The following LRRK1 variants were observed in gnomAD, a reference collection of about 807,000 sequenced individuals.
LRRK1 encodes leucine-rich repeat serine/threonine-protein kinase 1.
In LRRK1, 113 loss-of-function variants were observed where a neutral mutation model predicts 209.1. That is an observed-to-expected ratio of 0.54 (90% confidence interval 0.46 to 0.63). The LOEUF (loss-of-function observed/expected upper bound fraction) is 0.63. Ranked by LOEUF, LRRK1 falls within the 30% of genes least tolerant of loss-of-function variation. The pLI is 0.00. For synonymous variants in LRRK1, 1,144 were observed against 1,099.7 expected, an observed-to-expected ratio of 1.04 and a Z score of -0.80; for missense variants, 2,284 against 2,632.2, an observed-to-expected ratio of 0.87 and a Z score of 2.89.
In LRRK1 at chr15:100,983,601, T is replaced by G; in HGVS notation, c.335T>G (p.Val112Gly). 1 of 1,611,912 alleles carries G rather than the reference T, an allele frequency of 6.2e-7. No individual in the cohort carries two copies. The highest frequency in any genetic ancestry group is 8.5e-7 in the Non-Finnish European group (1 of 1,178,580). Residue 112 changes from valine to glycine, a missense_variant, in exon 4 of 34, where the codon GTG (valine) becomes GGG (glycine). Around this residue, in one of 6 missense-constraint regions of LRRK1, gnomAD observed 134 missense variants for 191.7 expected, o/e 0.70. Coordinates refer to ENST00000388948, the MANE Select transcript of LRRK1 (RefSeq NM_024652.6). ...CGCTACCTACTCAGCAAGAGACTGG[T>G]GGAGCTGCCCACCGAGCCCACGGAT... is the stretch of plus-strand genomic sequence containing the variant. ...MVRYLLSKRL[V>G]ELPTEPTDDN...
rs567065283 is a variant in LRRK1, at chr15:100,957,767, G to T, written c.98-16037G>T. ...TCTATTCAGCTACTGTGTGTCTTTTGATTGGAAAAGTCAATCCATTTATAT... is the reference window on the plus strand; with the variant it reads ...TCTATTCAGCTACTGTGTGTCTTTTTATTGGAAAAGTCAATCCATTTATAT... On this transcript the variant is annotated intron_variant, in intron 2 of 33. Coordinates refer to ENST00000388948, the MANE Select transcript of LRRK1 (RefSeq NM_024652.6). Among the ~76,000 whole-genome samples the T allele has an allele frequency of 3.9e-5, 6 of 152,330 alleles. No homozygotes were observed. In the East Asian group the frequency reaches 1.2e-3, roughly 29 times the overall value.
chr15:100,947,124 AT>A lies in LRRK1; in HGVS notation c.97+22402del, dbSNP rs372273273. Among the ~76,000 whole-genome samples, 159 of 151,940 alleles carry A rather than the reference AT, an allele frequency of 1.0e-3. 3 individuals are homozygous for A. Among genetic ancestry groups the A allele is most frequent in the African/African-American group, 3.7e-3 (154 of 41,438 alleles). On this transcript the variant is annotated intron_variant, in intron 2 of 33. Coordinates refer to ENST00000388948, the MANE Select transcript of LRRK1 (RefSeq NM_024652.6). ...AGGCCCGCACCACCATAACTGGCTAATTTTTTTGTATTTTAGTAGAGGCGGG... is the reference window on the plus strand; with the variant it reads ...AGGCCCGCACCACCATAACTGGCTAATTTTTTGTATTTTAGTAGAGGCGGG...
chr15:100,945,099 C>T (rs189735897), intron 2 of LRRK1, among the ~76,000 whole-genome samples: 7 of 152,304 alleles, frequency 4.6e-5, no homozygotes, highest in Admixed American at 2.6e-4. Flanking sequence ...GGCATTTGGG[C>T]GATTCCTAAC....
chr15:100,941,020 A>T (rs1031768466), intron 2 of LRRK1, among the ~76,000 whole-genome samples: 13 of 152,190 alleles, frequency 8.5e-5, no homozygotes, highest in Non-Finnish European at 1.3e-4. Flanking sequence ...ACAGTGGTGA[A>T]ATATGACACA....
chr15:101,017,274 T>G (rs965870787), intron 12 of LRRK1, among the ~76,000 whole-genome samples: 13 of 152,224 alleles, frequency 8.5e-5, no homozygotes, highest in African/African-American at 3.1e-4. Flanking sequence ...AGTTTGCCGC[T>G]GCTACGCTCT....
chr15:100,924,994 A>G (rs1005408584), intron 2 of LRRK1, among the ~76,000 whole-genome samples: 3 of 152,190 alleles, frequency 2.0e-5, no homozygotes, highest in Non-Finnish European at 2.9e-5. Context: ...AAGAAAAAGG[A>G]TGTAGTTTTG....
Position 101,051,711 on chromosome 15 carries a change from C to T in LRRK1, c.3440C>T (p.Ala1147Val). ...VNSLIDQWFPALTATESDGTP... is the reference protein window; with the variant it reads ...VNSLIDQWFPVLTATESDGTP... ...TGTCTCCTGCTCTGTCCTTATTTAG[C>T]CCTGACAGCCACAGAGAGCGACGGG... is the stretch of plus-strand genomic sequence containing the variant. Residue 1147 changes from alanine (A) to valine (V), a missense_variant and splice_region_variant, in exon 24 of 34, where the codon GCC becomes GTC. Physicochemically the swap from Ala to Val is moderately conservative, Grantham distance 64 (BLOSUM62 0). Coordinates refer to ENST00000388948, the MANE Select transcript of LRRK1 (RefSeq NM_024652.6). 6.2e-7 allele frequency: 1 copy of T among 1,613,430 alleles called. No homozygotes were observed. The highest frequency in any genetic ancestry group is 8.5e-7 in the Non-Finnish European group (1 of 1,179,854).
intron 30 of LRRK1, 87 bp downstream of exon 30, chr15:101,061,375 A>G: frequency 2.3e-6 from 2 of 864,374 alleles, no homozygotes; most frequent in Non-Finnish European, 3.7e-6. Flanking sequence ...ATAAAAATAC[A>G]GGACGCCAGG....
chr15:101,067,460 T>C (rs1338175664), intron 33 of LRRK1: 1 of 263,212 alleles, frequency 3.8e-6, no homozygotes, highest in Non-Finnish European at 8.1e-6. Context: ...TGTGTGTGTG[T>C]GTGTACTTTG....
intron 11 of LRRK1, among the ~76,000 whole-genome samples, chr15:101,015,048 G>A (rs1445481691): frequency 6.6e-6 from 1 of 152,222 alleles, no homozygotes; most frequent in Non-Finnish European, 1.5e-5. Flanking sequence ...AAGCCGGGAT[G>A]AGCCCAGCCA....
intron 2 of LRRK1, among the ~76,000 whole-genome samples, chr15:100,955,331 T>G (rs1281393801): frequency 6.6e-6 from 1 of 152,190 alleles, no homozygotes; most frequent in East Asian, 1.9e-4. Flanking sequence ...CTGCAAATGA[T>G]TTTTTGTATG....
chr15:100,957,047 ACCCATTGG>A (rs2042780563), intron 2 of LRRK1, among the ~76,000 whole-genome samples: 1 of 151,974 alleles, frequency 6.6e-6, no homozygotes, highest in South Asian at 2.1e-4. Flanking sequence ...TTCTTCTATG[ACCCATTGG>A]TTGTTCAGGA....
At chr15:100,945,193 C>T (rs539608953) in intron 2 of LRRK1, among the ~76,000 whole-genome samples, 16 of 152,288 alleles carry the variant, frequency 1.1e-4, no homozygotes, top group African/African-American at 3.4e-4. Context: ...TGATGGGTCA[C>T]GGGGCATATA....
intron 22 of LRRK1, 157 bp from the exon 23 acceptor site, chr15:101,049,487 A>G: frequency 6.7e-6 from 5 of 747,224 alleles, no homozygotes; most frequent in Non-Finnish European, 1.0e-5. Context: ...AGGGCCACGC[A>G]CACGTACATA....
intron 6 of LRRK1, among the ~76,000 whole-genome samples, chr15:100,996,707 A>G (rs997178298): frequency 7.2e-5 from 11 of 152,222 alleles, no homozygotes; most frequent in Admixed American, 7.2e-4. Context: ...ACGTGGCAGA[A>G]TAAGTGAAGG....
intron 19 of LRRK1, among the ~76,000 whole-genome samples, chr15:101,028,261 G>A (rs990887636): frequency 2.0e-5 from 3 of 152,218 alleles, no homozygotes; most frequent in African/African-American, 4.8e-5. Context: ...CTTGTTTTAT[G>A]TGTGTTGCTG....
rs200907362 is a variant in LRRK1, at chr15:101,021,221, G to C, written c.1739+39G>C. The C allele has an allele frequency of 1.4e-4, 233 of 1,609,772 alleles. 1 individual carries two copies. The African/African-American group carries it at 2.8e-3, about 19-fold the overall frequency. Reference sequence around the variant, plus strand: ...TGGAGGGGCCGTGCTGGCTCTGCTGGCCCAGAGAGGCAGAACGCCCATCCC... The same window carrying C: ...TGGAGGGGCCGTGCTGGCTCTGCTGCCCCAGAGAGGCAGAACGCCCATCCC... On this transcript the variant is annotated intron_variant, in intron 13 of 33. Transcript: ENST00000388948.
chr15:101,002,710 T>G lies in LRRK1; in HGVS notation c.763-6127T>G, dbSNP rs1046593596. 2.6e-5 allele frequency among the ~76,000 whole-genome samples: 4 copies of G among 152,238 alleles called. No individual in the cohort carries two copies. In the East Asian group the frequency reaches 5.8e-4, roughly 22 times the overall value. On this transcript the variant is annotated intron_variant, in intron 6 of 33. Transcript: ENST00000388948. Reference sequence around the variant, plus strand: ...GGGCTGGAAGAGTTAGGTTTTAATGTCAAGTGCATGAACATCTTTTTATTT... The same window carrying G: ...GGGCTGGAAGAGTTAGGTTTTAATGGCAAGTGCATGAACATCTTTTTATTT...
chr15:100,983,381 G>T (rs2031705325), intron 3 of LRRK1, 147 bp from the exon 4 acceptor site: 2 of 628,604 alleles, frequency 3.2e-6, no homozygotes, highest in South Asian at 5.9e-5. Flanking sequence ...CATTTCAAGT[G>T]CTGCCCAGTC....
Sources: gnomAD v4.1 joint callset for allele counts (sites outside exome capture counted in the v4.1 genomes callset) on GRCh38, gnomAD v4.1.1 for gene constraint, gnomAD v4.1.1 regional missense constraint, MANE v1.5 for transcripts, NCBI Gene and HGNC (gene_info 2026-07-23, HGNC 2026-07-21) for gene names.